Variants in UNC5D observed in about 807,000 individuals in gnomAD.
UNC5D encodes unc-5 netrin receptor D.
A neutral mutation model predicts 105.4 loss-of-function variants in UNC5D; 39 were observed. The observed-to-expected ratio is 0.37, with a 90% CI of 0.29 to 0.48. The LOEUF (loss-of-function observed/expected upper bound fraction) is 0.48. Ranked by LOEUF, UNC5D falls within the 20% of genes least tolerant of loss-of-function variation. The probability of loss-of-function intolerance (pLI) is 0.98; values close to 1 mark genes in which losing one functional copy is unlikely to be tolerated. For missense variants in UNC5D, 991 were observed against 1,202.4 expected (o/e 0.82, Z 2.60); for synonymous variants, 452 against 450.4 (o/e 1.00, Z -0.04).
chr8:35,393,749 C>T (rs911422418), intron 1 of UNC5D, among the ~76,000 whole-genome samples: 1 of 152,142 alleles, frequency 6.6e-6, no homozygotes, highest in African/African-American at 2.4e-5. Flanking sequence ...GAAACTCCCT[C>T]CTCCCTTTTT....
intron 1 of UNC5D, among the ~76,000 whole-genome samples, chr8:35,511,687 G>A (rs1812712480): frequency 6.6e-6 from 1 of 151,056 alleles, no homozygotes; most frequent in African/African-American, 2.4e-5. Context: ...AAGAAGAATT[G>A]TCTTGGGCCA....
At chr8:35,683,065 T>C (rs1222195419) in intron 4 of UNC5D, among the ~76,000 whole-genome samples, 1 of 152,234 alleles carries the variant, frequency 6.6e-6, no homozygotes, top group Non-Finnish European at 1.5e-5. Flanking sequence ...CTTGGTACAA[T>C]CTCAAACCTT....
At chr8:35,579,718 T>A (rs1476581901) in intron 3 of UNC5D, among the ~76,000 whole-genome samples, 1 of 152,176 alleles carries the variant, frequency 6.6e-6, no homozygotes, top group African/African-American at 2.4e-5. Context: ...CAAAGAGAAG[T>A]GAACAGGACA....
intron 14 of UNC5D, among the ~76,000 whole-genome samples, chr8:35,765,929 G>C (rs995791803): frequency 2.0e-5 from 3 of 152,152 alleles, no homozygotes; most frequent in Non-Finnish European, 4.4e-5. Context: ...ATTACCAGAG[G>C]CATATGTGGT....
intron 1 of UNC5D, among the ~76,000 whole-genome samples, chr8:35,414,646 T>C (rs1265053181): frequency 6.6e-6 from 1 of 152,110 alleles, no homozygotes; most frequent in Non-Finnish European, 1.5e-5. Context: ...CTGAGGAAGT[T>C]AAGCTTCTTG....
chr8:35,302,369 A>G (rs542747124), intron 1 of UNC5D, among the ~76,000 whole-genome samples: 3 of 152,214 alleles, frequency 2.0e-5, no homozygotes, highest in South Asian at 2.1e-4. Flanking sequence ...ACCAAATACA[A>G]CTGAAAAATG....
chr8:35,535,320 G>A (rs1287943164), intron 1 of UNC5D, among the ~76,000 whole-genome samples: 1 of 151,882 alleles, frequency 6.6e-6, no homozygotes, highest in Non-Finnish European at 1.5e-5. Flanking sequence ...TCTTCTCCCC[G>A]TCGTTCTTCT....
At chr8:35,743,547 G>C (rs901036304) in intron 11 of UNC5D, among the ~76,000 whole-genome samples, 1 of 151,332 alleles carries the variant, frequency 6.6e-6, no homozygotes, top group Admixed American at 6.6e-5. Flanking sequence ...CCAAAGTGCT[G>C]GGATTACAGA....
chr8:35,548,123 C>G (rs146681233), intron 1 of UNC5D, among the ~76,000 whole-genome samples: 1 of 152,110 alleles, frequency 6.6e-6, no homozygotes, highest in Non-Finnish European at 1.5e-5. Flanking sequence ...CTTTCCCAGC[C>G]CACTGACTCA....
chr8:35,585,526 ATGTG>A (rs10570182), intron 3 of UNC5D, among the ~76,000 whole-genome samples: 27,990 of 148,820 alleles, frequency 0.19, 2,628 homozygotes, highest in South Asian at 0.26. Context: ...CAACCATAAT[ATGTG>A]TGTGTGTGTG....
At chr8:35,303,211 T>C (rs182138676) in intron 1 of UNC5D, among the ~76,000 whole-genome samples, 1 of 152,328 alleles carries the variant, frequency 6.6e-6, no homozygotes, top group African/African-American at 2.4e-5. Context: ...TGGAAATACT[T>C]ATTTGATCTG....
intron 14 of UNC5D, among the ~76,000 whole-genome samples, chr8:35,761,095 T>A (rs989157057): frequency 1.3e-5 from 2 of 152,182 alleles, no homozygotes; most frequent in African/African-American, 4.8e-5. Context: ...AGAGAAGTTT[T>A]CTATGAATAA....
chr8:35,684,823 T>A (rs1391146626), intron 6 of UNC5D, 74 bp downstream of exon 6: 1 of 1,468,098 alleles, frequency 6.8e-7, no homozygotes, highest in East Asian at 2.4e-5. Context: ...CAATCAATGT[T>A]ACCTTCTTTT....
intron 4 of UNC5D, among the ~76,000 whole-genome samples, chr8:35,602,045 A>G (rs1033722375): frequency 5.9e-5 from 9 of 152,238 alleles, no homozygotes; most frequent in East Asian, 3.9e-4. Context: ...TTCTGCATCT[A>G]TTGAGATCAT....
At chr8:35,544,595 GTTTTTTT>G (rs775831187) in intron 1 of UNC5D, 105 of 573,006 alleles carry the variant, frequency 1.8e-4, no homozygotes, top group Admixed American at 3.2e-4. Flanking sequence ...TTTCGTTTTC[GTTTTTTT>G]TTTTTTTTTT....
intron 1 of UNC5D, among the ~76,000 whole-genome samples, chr8:35,467,802 T>C (rs969357703): frequency 1.3e-5 from 2 of 152,140 alleles, no homozygotes; most frequent in Admixed American, 6.5e-5. Flanking sequence ...AGCTGTGTAA[T>C]CATGGAGTGT....
intron 1 of UNC5D, among the ~76,000 whole-genome samples, chr8:35,464,421 A>G (rs1312097627): frequency 6.6e-6 from 1 of 152,170 alleles, no homozygotes; most frequent in African/African-American, 2.4e-5. Flanking sequence ...TATATGTGGT[A>G]TTATCATCAC....
At chr8:35,407,474 C>T (rs556268596) in intron 1 of UNC5D, among the ~76,000 whole-genome samples, 17 of 152,020 alleles carry the variant, frequency 1.1e-4, no homozygotes, top group East Asian at 7.7e-4. Flanking sequence ...AGAGGAGTCC[C>T]GGAAGTTGCA....
intron 8 of UNC5D, among the ~76,000 whole-genome samples, chr8:35,720,087 G>A (rs948625770): frequency 6.6e-6 from 1 of 152,146 alleles, no homozygotes; most frequent in African/African-American, 2.4e-5. Flanking sequence ...TGGTTACCTG[G>A]TAGGGAGGGA....
Sources: gnomAD v4.1 joint callset for allele counts (sites outside exome capture counted in the v4.1 genomes callset) on GRCh38, gnomAD v4.1.1 for gene constraint, MANE v1.5 for transcripts, NCBI Gene and HGNC (gene_info 2026-07-23, HGNC 2026-07-21) for gene names.